Variants in HYCC2 observed in about 807,000 individuals in gnomAD.
The protein encoded by HYCC2 is hyccin PI4KA lipid kinase complex subunit 2.
the HYCC2 span, chr2:201,009,199 ATTC>A: frequency 1.8e-6 from 1 of 548,516 alleles, no homozygotes; most frequent in African/African-American, 1.9e-5. Flanking sequence ...TGGATCATTT[ATTC>A]TTCTCATTCT....
the HYCC2 span, among the ~76,000 whole-genome samples, chr2:201,029,364 A>G: frequency 6.6e-6 from 1 of 152,228 alleles, no homozygotes; most frequent in Non-Finnish European, 1.5e-5. Flanking sequence ...TGTGGAAGAC[A>G]GTGCAGCGAT....
chr2:201,066,615 T>C, the HYCC2 span: 12 of 152,186 alleles, frequency 7.9e-5, no homozygotes, highest in Non-Finnish European at 1.6e-4. Context: ...GAAAGGAATT[T>C]AAGGAGGTTA....
chr2:200,987,587 A>G, the HYCC2 span: 1 of 1,255,676 alleles, frequency 8.0e-7, no homozygotes, highest in Non-Finnish European at 1.0e-6. Flanking sequence ...TTATTTTCTG[A>G]GCATTTTGAC....
the HYCC2 span, among the ~76,000 whole-genome samples, chr2:201,019,786 A>G: frequency 1.3e-5 from 2 of 151,562 alleles, no homozygotes; most frequent in African/African-American, 4.9e-5. Context: ...TGCCAATGCT[A>G]TGTGTTAAAA....
the HYCC2 span, chr2:200,980,693 C>G: frequency 6.5e-6 from 1 of 153,536 alleles, no homozygotes; most frequent in Non-Finnish European, 1.5e-5. Context: ...GGAGAAAGAG[C>G]TACCCTCATT....
chr2:200,994,116 T>C, the HYCC2 span, among the ~76,000 whole-genome samples: 1 of 152,260 alleles, frequency 6.6e-6, no homozygotes, highest in South Asian at 2.1e-4. Context: ...TCTTCATTTA[T>C]TCCTCAAATG....
the HYCC2 span, among the ~76,000 whole-genome samples, chr2:201,044,232 A>G: frequency 1.3e-5 from 2 of 152,162 alleles, no homozygotes; most frequent in Non-Finnish European, 2.9e-5. Context: ...AACTATGACA[A>G]TGATGACCTT....
the HYCC2 span, among the ~76,000 whole-genome samples, chr2:201,042,972 G>A: frequency 2.4e-4 from 36 of 152,224 alleles, no homozygotes; most frequent in Non-Finnish European, 4.9e-4. Context: ...TGATGACAAT[G>A]GCGGTTTTGT....
At chr2:201,037,404 A>G in the HYCC2 span, among the ~76,000 whole-genome samples, 11 of 152,234 alleles carry the variant, frequency 7.2e-5, no homozygotes, top group Non-Finnish European at 1.2e-4. Flanking sequence ...TAAAGTTCAC[A>G]TGGAACCAAA....
At chr2:201,030,967 T>G in the HYCC2 span, among the ~76,000 whole-genome samples, 4 of 152,204 alleles carry the variant, frequency 2.6e-5, no homozygotes, top group African/African-American at 4.8e-5. Flanking sequence ...TGTTTTCAAT[T>G]TTCTTATATT....
the HYCC2 span, among the ~76,000 whole-genome samples, chr2:201,056,086 C>G: frequency 6.6e-6 from 1 of 151,900 alleles, no homozygotes; most frequent in East Asian, 1.9e-4. Flanking sequence ...CCCAGCTACT[C>G]AGGAGGCTGA....
the HYCC2 span, chr2:200,987,569 C>T: frequency 2.3e-6 from 3 of 1,279,948 alleles, no homozygotes; most frequent in East Asian, 1.7e-4. Flanking sequence ...TGCTTTTATG[C>T]TGCTCTATTA....
the HYCC2 span, among the ~76,000 whole-genome samples, chr2:201,069,096 T>C: frequency 1.3e-5 from 2 of 152,364 alleles, no homozygotes; most frequent in East Asian, 1.9e-4. Flanking sequence ...TTTTTCACTA[T>C]GTAGCATTGG....
At chr2:200,982,292 G>C in the HYCC2 span, among the ~76,000 whole-genome samples, 2 of 148,552 alleles carry the variant, frequency 1.3e-5, no homozygotes, top group African/African-American at 2.5e-5. Context: ...ATGTGCAAAA[G>C]AGACCCTCTT....
chr2:201,043,433 A>T, the HYCC2 span, among the ~76,000 whole-genome samples: 551 of 119,410 alleles, frequency 4.6e-3, 5 homozygotes, highest in African/African-American at 0.018. Flanking sequence ...AATAAATACT[A>T]AAAAAAAAAA....
the HYCC2 span, among the ~76,000 whole-genome samples, chr2:201,026,999 C>G: frequency 6.6e-6 from 1 of 151,976 alleles, no homozygotes; most frequent in Non-Finnish European, 1.5e-5. Flanking sequence ...CACAAAAAAC[C>G]CTTCAAAAAA....
At chr2:201,009,974 T>G in the HYCC2 span, among the ~76,000 whole-genome samples, 2 of 151,574 alleles carry the variant, frequency 1.3e-5, no homozygotes, top group South Asian at 2.1e-4. Flanking sequence ...CGTGGTGGCA[T>G]GCACCTGTAG....
the HYCC2 span, chr2:200,979,320 G>A: frequency 1.3e-5 from 2 of 150,698 alleles, no homozygotes; most frequent in Admixed American, 6.6e-5. Flanking sequence ...ACAATAAATT[G>A]TCTACTTATC....
the HYCC2 span, among the ~76,000 whole-genome samples, chr2:201,014,323 G>GAC: frequency 5.3e-5 from 8 of 152,222 alleles, no homozygotes; most frequent in East Asian, 1.5e-3. Flanking sequence ...GAAACACAGT[G>GAC]ATATATAACA....
Sources: gnomAD v4.1 joint callset for allele counts (sites outside exome capture counted in the v4.1 genomes callset) on GRCh38, gnomAD v4.1.1 for gene constraint, MANE v1.5 for transcripts, NCBI Gene and HGNC (gene_info 2026-07-23, HGNC 2026-07-21) for gene names.